The following SYNE1 variants were observed in gnomAD, a reference collection of about 807,000 sequenced individuals.
The protein encoded by SYNE1 is spectrin repeat containing nuclear envelope protein 1, also known as nesprin-1.
A neutral mutation model predicts 1,111.0 loss-of-function variants in SYNE1; 616 were observed. The ratio of observed to expected loss-of-function variants is 0.55; its 90% confidence interval spans 0.52 to 0.59. The LOEUF (loss-of-function observed/expected upper bound fraction) is 0.59. Ranked by LOEUF, SYNE1 falls within the 20% of genes least tolerant of loss-of-function variation. The probability of loss-of-function intolerance (pLI) is 0.00; values close to 1 mark genes in which losing one functional copy is unlikely to be tolerated. For missense variants in SYNE1, 10,006 were observed against 10,417.0 expected (o/e 0.96, Z 1.72); for synonymous variants, 3,855 against 3,825.8 (o/e 1.01, Z -0.28).
chr6:152,258,385 T>C lies in SYNE1; in HGVS notation c.18973-1620A>G, dbSNP rs118086790. Among the ~76,000 whole-genome samples the C allele has an allele frequency of 7.3e-3, 1,105 of 152,350 alleles. 10 individuals carry two copies. The highest frequency in any genetic ancestry group is 0.012 in the Non-Finnish European group (799 of 68,036). ...GAATTGTTACAATTGTTCCTTTTCATTTTCATCTTTGCACTTGGCTGCATT... is the reference window on the plus strand; with the variant it reads ...GAATTGTTACAATTGTTCCTTTTCACTTTCATCTTTGCACTTGGCTGCATT... On this transcript the variant is annotated intron_variant, in intron 101 of 145. Transcript: ENST00000367255.
At chr6:152,309,324 A>G (rs1477518990) in intron 90 of SYNE1, among the ~76,000 whole-genome samples, 1 of 152,232 alleles carries the variant, frequency 6.6e-6, no homozygotes, top group Non-Finnish European at 1.5e-5. Flanking sequence ...AAGAATTATT[A>G]GTTGAAGGGA....
At chr6:152,237,093 A>C in intron 108 of SYNE1, 145 bp from the exon 109 acceptor site, 3 of 1,130,268 alleles carry the variant, frequency 2.7e-6, no homozygotes, top group Non-Finnish European at 3.8e-6. Context: ...GGGAAGCAAA[A>C]GATGGCTTTA....
rs2099707151 is a variant in SYNE1 at position 152,637,178 on chromosome 6, G to A, written c.-392+11C>T. The A allele has an allele frequency of 6.6e-6, 1 of 152,438 alleles. No homozygotes were observed. The highest frequency in any genetic ancestry group is 1.5e-5 in the Non-Finnish European group (1 of 68,220). The allele number at this position is 152,438 out of a possible 1,614,324, so 9.4% of individuals were successfully genotyped here. A position where few individuals can be genotyped will look rare whatever the true frequency, so the allele number is the denominator to read the frequency against. On this transcript the variant is annotated intron_variant, in intron 1 of 145. Coordinates refer to ENST00000367255, the MANE Select transcript of SYNE1 (RefSeq NM_182961.4). The stretch of plus-strand genomic sequence containing the variant: ...GGGGGCGGGGACCCGGAGGCTCGCA[G>A]GCTTCCCTACCTCCTGGAGATGCAC...
At position 152,133,873 on chromosome 6, in the gene SYNE1, C is replaced by T. The variant is rs139100692; in HGVS notation, c.25789-385G>A. 60 of 190,934 alleles carry T rather than the reference C, an allele frequency of 3.1e-4. No homozygotes were observed. In the East Asian group the frequency reaches 7.6e-3, roughly 24 times the overall value. The allele number at this position is 190,934 out of a possible 1,614,324, so 11.8% of individuals were successfully genotyped here. On this transcript the variant is annotated intron_variant, in intron 142 of 145. Coordinates refer to ENST00000367255, the MANE Select transcript of SYNE1 (RefSeq NM_182961.4). Reference sequence around the variant, plus strand: ...CGAAGCAGAAGTATGTCTAGGTATCCTCTGATATCTAGTCAAGATTTGAAA... The same window carrying T: ...CGAAGCAGAAGTATGTCTAGGTATCTTCTGATATCTAGTCAAGATTTGAAA...
In SYNE1 at chr6:152,425,376, C is replaced by A. The variant is rs766155804; in HGVS notation, c.5267+5G>T. On this transcript the variant is annotated splice_donor_5th_base_variant and intron_variant, in intron 39 of 145. Coordinates refer to ENST00000367255, the MANE Select transcript of SYNE1 (RefSeq NM_182961.4). The stretch of plus-strand genomic sequence containing the variant: ...ATATTAGAAGATTTATCTTTTAGAA[C>A]CAACCTTTTGTTAATGATCTGTGGT... 4.3e-6 allele frequency: 7 copies of A among 1,613,652 alleles called. No homozygotes were observed. The highest frequency in any genetic ancestry group is 2.7e-5 in the African/African-American group (2 of 74,886).
chr6:152,557,312 C>T lies in SYNE1; in HGVS notation c.68-17291G>A, dbSNP rs115453588. 8.5e-3 allele frequency among the ~76,000 whole-genome samples: 1,286 copies of T among 151,972 alleles called. 20 individuals carry two copies. The highest frequency in any genetic ancestry group is 0.03 in the African/African-American group (1,224 of 41,456). The stretch of plus-strand genomic sequence containing the variant: ...AAAGGGGAGAAGAAAGCCTATGGAA[C>T]ATATGAAACACCATGAAGCTAATCA... On this transcript the variant is annotated intron_variant, in intron 3 of 145. Coordinates refer to ENST00000367255, the MANE Select transcript of SYNE1 (RefSeq NM_182961.4).
intron 127 of SYNE1, among the ~76,000 whole-genome samples, chr6:152,198,968 CA>C (rs1401453274): frequency 7.0e-6 from 1 of 142,896 alleles, no homozygotes; most frequent in Non-Finnish European, 1.5e-5. Context: ...GCAGCAATGC[CA>C]CAATCTTCAA....
chr6:152,533,579 C>A (rs1436912293), intron 4 of SYNE1, among the ~76,000 whole-genome samples: 1 of 152,132 alleles, frequency 6.6e-6, no homozygotes. Flanking sequence ...CTCATCACCT[C>A]TACTGCTACT....
At chr6:152,431,774 C>T (rs1285263853) in intron 34 of SYNE1, among the ~76,000 whole-genome samples, 1 of 152,082 alleles carries the variant, frequency 6.6e-6, no homozygotes, top group African/African-American at 2.4e-5. Context: ...AAATAATTTA[C>T]ATAAATGTCG....
At chr6:152,242,741 T>G (rs2086050023) in intron 106 of SYNE1, among the ~76,000 whole-genome samples, 1 of 152,156 alleles carries the variant, frequency 6.6e-6, no homozygotes, top group Non-Finnish European at 1.5e-5. Context: ...TTATTTGGTA[T>G]TCTTATCTTG....
At chr6:152,123,130 T>A (rs1415951758) in intron 145 of SYNE1, among the ~76,000 whole-genome samples, 1 of 152,224 alleles carries the variant, frequency 6.6e-6, no homozygotes, top group Non-Finnish European at 1.5e-5. Context: ...CATCTAGCCA[T>A]CCTGGATATG....
In SYNE1 at chr6:152,465,890, C is replaced by A. The variant is rs953977216; in HGVS notation, c.1729+92G>T. The stretch of plus-strand genomic sequence containing the variant: ...ATGGCAAGGTCACTCAAAAATTCCA[C>A]GGACAGAAAGAATGATCTGATCAGA... On this transcript the variant is annotated intron_variant, in intron 17 of 145. Coordinates refer to ENST00000367255, the MANE Select transcript of SYNE1 (RefSeq NM_182961.4). The A allele has an allele frequency of 8.4e-5, 81 of 960,316 alleles. No homozygotes were observed. In the Middle Eastern group the frequency reaches 1.1e-3, roughly 13 times the overall value. 59.5% of individuals were successfully genotyped at this position (960,316 alleles called of 1,614,324 possible).
chr6:152,590,099 A>AATTATTATTATTATT (rs747538908), intron 3 of SYNE1, among the ~76,000 whole-genome samples: 12 of 149,484 alleles, frequency 8.0e-5, no homozygotes, highest in African/African-American at 2.2e-4. Flanking sequence ...ACACCTGACT[A>AATTATTATTATTATT]ATTATTATTA....
chr6:152,254,999 G>C lies in SYNE1; in HGVS notation c.19351C>G (p.Arg6451Gly), dbSNP rs755740366. 4.5e-5 allele frequency: 72 copies of C among 1,613,598 alleles called. No homozygotes were observed. The highest frequency in any genetic ancestry group is 4.2e-5 in the Non-Finnish European group (49 of 1,179,832). ...SQAFPENGDN[R>G]DVIEDTLGCL... ...CCCAAAGTATCTTCAATAACATCTC[G>C]ATTATCACCATTCTCTGGAAAAGCT... Residue 6451 changes from arginine (R) to glycine (G), a missense_variant, in exon 104 of 146, where the codon CGA becomes GGA. This residue lies in a region of SYNE1 where 2,182 missense variants were observed against 2,287.8 expected (regional missense o/e 0.95). Transcript: ENST00000367255.
At chr6:152,508,362 T>C (rs956730927) in intron 8 of SYNE1, among the ~76,000 whole-genome samples, 4 of 152,184 alleles carry the variant, frequency 2.6e-5, no homozygotes, top group Non-Finnish European at 5.9e-5. Flanking sequence ...ATAAGGAAAG[T>C]AAAACTTCCA....
At chr6:152,616,994 TA>T in intron 3 of SYNE1, among the ~76,000 whole-genome samples, 1 of 152,126 alleles carries the variant, frequency 6.6e-6, no homozygotes, top group East Asian at 1.9e-4. Flanking sequence ...ATGTGGTCAT[TA>T]ACAGCTATGC....
At chr6:152,274,642 G>A (rs2093456269) in intron 98 of SYNE1, among the ~76,000 whole-genome samples, 2 of 152,080 alleles carry the variant, frequency 1.3e-5, no homozygotes, top group African/African-American at 4.8e-5. Context: ...TGTTGCCCAG[G>A]CTGGAGTGCA....
intron 3 of SYNE1, among the ~76,000 whole-genome samples, chr6:152,558,984 AT>A (rs2099385153): frequency 2.5e-5 from 2 of 78,586 alleles, no homozygotes; most frequent in Admixed American, 2.5e-4. Context: ...ATTTTTATTT[AT>A]TTATTTATTT....
chr6:152,256,056 G>A (rs2090734676), intron 102 of SYNE1, among the ~76,000 whole-genome samples: 1 of 149,522 alleles, frequency 6.7e-6, no homozygotes, highest in African/African-American at 2.5e-5. Context: ...CTGAGATCGT[G>A]CCACTGCACT....
Sources: gnomAD v4.1 joint callset for allele counts (sites outside exome capture counted in the v4.1 genomes callset) on GRCh38, gnomAD v4.1.1 for gene constraint, gnomAD v4.1.1 regional missense constraint, MANE v1.5 for transcripts, NCBI Gene and HGNC (gene_info 2026-07-23, HGNC 2026-07-21) for gene names.